The following VWA5A variants were observed in gnomAD, a reference collection of about 807,000 sequenced individuals.
The protein encoded by VWA5A is von Willebrand factor A domain containing 5A.
Under a neutral mutation model 84.6 loss-of-function variants are expected in VWA5A, and 77 were observed. The ratio of observed to expected loss-of-function variants is 0.91; its 90% CI spans 0.76 to 1.10. VWA5A has a LOEUF of 1.10. Among genes scored for constraint, VWA5A ranks in the 50% least tolerant of loss-of-function variants. The pLI, the probability that VWA5A is intolerant of heterozygous loss-of-function variation, is 0.00. For synonymous variants in VWA5A, 334 were observed against 350.1 expected (o/e 0.95, Z 0.51); for missense variants, 973 against 963.0 (o/e 1.01, Z -0.14).
chr11:124,118,327 T>G lies in VWA5A; in HGVS notation c.385T>G (p.Tyr129Asp), dbSNP rs1241139419. Residue 129 changes from tyrosine to aspartate, a missense_variant, in exon 5 of 19, where the codon TAT becomes GAT. Physicochemically the swap from Tyr to Asp is radical, Grantham distance 160. Transcript: ENST00000456829. ...GTCGAAGGCGGCAGTCACCCTGAAG[T>G]ATGTGCAGGAGCTGCCTCTGGAAGC... ...PGSKAAVTLKYVQELPLEADG... is the reference protein window; with the variant it reads ...PGSKAAVTLKDVQELPLEADG... 1.2e-6 allele frequency: 2 copies of G among 1,614,088 alleles called. No individual in the cohort carries two copies. The highest frequency in any genetic ancestry group is 1.7e-6 in the Non-Finnish European group (2 of 1,180,032).
At chr11:124,138,994 TGTATCCA>T (rs1168918221) in intron 15 of VWA5A, among the ~76,000 whole-genome samples, 2 of 152,240 alleles carry the variant, frequency 1.3e-5, no homozygotes, top group Non-Finnish European at 2.9e-5. Flanking sequence ...TTCATATGTG[TGTATCCA>T]GTTTTCCCAA....
chr11:124,127,712 C>A (rs1325542407), intron 11 of VWA5A, among the ~76,000 whole-genome samples: 1 of 152,184 alleles, frequency 6.6e-6, no homozygotes, highest in East Asian at 1.9e-4. Flanking sequence ...ACCATTTTAA[C>A]TGGCGTGAGA....
intron 11 of VWA5A, among the ~76,000 whole-genome samples, chr11:124,131,070 A>C (rs1175858063): frequency 1.3e-5 from 2 of 152,000 alleles, no homozygotes; most frequent in South Asian, 2.1e-4. Context: ...TCTACCTATA[A>C]GTAGTCCACC....
intron 17 of VWA5A, among the ~76,000 whole-genome samples, chr11:124,143,944 C>T (rs899273134): frequency 2.0e-5 from 3 of 151,446 alleles, no homozygotes; most frequent in African/African-American, 7.3e-5. Flanking sequence ...GAACATGGAC[C>T]AAGTACAAAT....
Position 124,136,240 on chromosome 11 carries a change from A to G in VWA5A, c.1471A>G (p.Ile491Val), listed in dbSNP as rs772813922. Residue 491 changes from isoleucine to valine, a missense_variant, in exon 13 of 19, where the codon ATC becomes GTC. Transcript: ENST00000456829. The part of the protein sequence containing the change: ...AKMLSPEQTV[I>V]FRGQRLISYA... ...AATGCTTTCCCCAGAACAGACTGTC[A>G]TCTTTAGGGGTCAGAGATTAATCAG... 3.1e-6 allele frequency: 5 copies of G among 1,614,014 alleles called. No individual in the cohort carries two copies. In the African/African-American group the frequency reaches 4.0e-5, roughly 13 times the overall value.
Position 124,146,076 on chromosome 11 carries a change from C to A in VWA5A, c.*131C>A, listed in dbSNP as rs185576860. The A allele has an allele frequency of 1.7e-4, 151 of 869,980 alleles. No individual in the cohort carries two copies. In the African/African-American group the frequency reaches 2.5e-3, roughly 14 times the overall value. 53.9% of individuals were successfully genotyped at this position (869,980 alleles called of 1,614,324 possible). On this transcript the variant is annotated 3_prime_UTR_variant, in exon 19 of 19. Transcript: ENST00000456829. ...TTGCCATAAAAGTAAAGGATGCTTA[C>A]TCCACTTCGCTTCTCTGCTCCAGGT...
Position 124,145,938 on chromosome 11 carries a change from C to T in VWA5A, c.2354C>T (p.Ala785Val). Residue 785 changes from alanine to valine, a missense_variant, in exon 19 of 19, where the codon GCC (alanine) becomes GTC (valine). Ala to Val is a moderately conservative substitution (Grantham distance 64). Transcript: ENST00000456829. ...TCATCTGTGGATCCTGCTATCTTTG[C>T]CTTTTGAAGATACCATCCAGAAAAA... ...LKSSVDPAIF[A>V]F 1 of 1,584,728 alleles carries T rather than the reference C, an allele frequency of 6.3e-7. No individual in the cohort carries two copies. The highest frequency in any genetic ancestry group is 2.3e-5 in the East Asian group (1 of 44,186).
Position 124,118,567 on chromosome 11 carries a change from T to C in VWA5A, c.504T>C (p.Thr168=). 1 of 1,614,152 alleles carries C rather than the reference T, an allele frequency of 6.2e-7. No individual in the cohort carries two copies. The highest frequency in any genetic ancestry group is 8.5e-7 in the Non-Finnish European group (1 of 1,180,020). ...AGGACAGTTGCCTTAATGTGAAGAC[T>C]CCTATAGTCCCTGTGGAGGACCTGC... ...SSKDSCLNVK[T]PIVPVEDLPY... is the part of the protein sequence containing the mutation. The change falls in exon 6 of 19, where the codon ACT becomes ACC. Residue 168 remains threonine, a synonymous_variant. Coordinates refer to ENST00000456829, the MANE Select transcript of VWA5A (RefSeq NM_001130142.2).
chr11:124,144,218 G>A (rs920788673), intron 17 of VWA5A, among the ~76,000 whole-genome samples: 2 of 151,958 alleles, frequency 1.3e-5, no homozygotes, highest in African/African-American at 4.8e-5. Context: ...AGGAATAAAA[G>A]CTAAGTACTG....
chr11:124,132,618 GT>G (rs920046371), intron 11 of VWA5A, among the ~76,000 whole-genome samples: 1 of 151,846 alleles, frequency 6.6e-6, no homozygotes, highest in African/African-American at 2.4e-5. Context: ...CCTAATGTTG[GT>G]TATTTGTGCC....
chr11:124,136,653 T>C lies in VWA5A; in HGVS notation c.1604T>C (p.Leu535Pro). Residue 535 changes from leucine to proline, a missense_variant, in exon 14 of 19, where the codon CTA becomes CCA. Coordinates refer to ENST00000456829, the MANE Select transcript of VWA5A (RefSeq NM_001130142.2). ...TTTGAGGATAAGGTGACATTTCCTC[T>C]ACAACCCAAGCCTGATGTCAAGTGA... ...KTFEDKVTFP[L>P]QPKPDVNLTI... 1 of 1,613,956 alleles carries C rather than the reference T, an allele frequency of 6.2e-7. No individual in the cohort carries two copies. The highest frequency in any genetic ancestry group is 2.2e-5 in the East Asian group (1 of 44,842).
chr11:124,123,592 A>G, intron 9 of VWA5A, 68 bp from the exon 10 acceptor site: 2 of 1,613,418 alleles, frequency 1.2e-6, no homozygotes, highest in Non-Finnish European at 1.7e-6. Flanking sequence ...GGGTTTCTCA[A>G]TTCAGGGACT....
Position 124,118,274 on chromosome 11 carries a change from C to T in VWA5A, c.332C>T (p.Ser111Phe), listed in dbSNP as rs1229245095. ...GACAGCAGCTCCAGGGATGTCTTCT[C>T]TTGCAATGTGGGTAACCTCCAACCT... is the stretch of plus-strand genomic sequence containing the variant. ...EGDSSSRDVF[S>F]CNVGNLQPGS... Residue 111 changes from serine (S) to phenylalanine (F), a missense_variant, in exon 5 of 19, where the codon TCT becomes TTT. Transcript: ENST00000456829. 2.5e-6 allele frequency: 4 copies of T among 1,614,194 alleles called. No homozygotes were observed. Among genetic ancestry groups the T allele is most frequent in the South Asian group, 1.1e-5 (1 of 91,078 alleles).
intron 17 of VWA5A, among the ~76,000 whole-genome samples, chr11:124,144,021 C>T (rs554770094): frequency 6.6e-6 from 1 of 152,016 alleles, no homozygotes; most frequent in Non-Finnish European, 1.5e-5. Flanking sequence ...TTAGACCCAC[C>T]AGGCTCTGAA....
At chr11:124,145,819 T>C in intron 18 of VWA5A, 47 bp from the exon 19 acceptor site, 1 of 1,544,324 alleles carries the variant, frequency 6.5e-7, no homozygotes, top group Non-Finnish European at 8.8e-7. Flanking sequence ...TGGAGGAGCC[T>C]CTAATTGCAA....
chr11:124,130,449 A>G (rs1453641827), intron 11 of VWA5A, among the ~76,000 whole-genome samples: 5 of 152,286 alleles, frequency 3.3e-5, no homozygotes, highest in Non-Finnish European at 7.4e-5. Flanking sequence ...AAGAATGTAT[A>G]TTCTGTTGAT....
chr11:124,126,359 T>C (rs1393168321), intron 11 of VWA5A, among the ~76,000 whole-genome samples: 1 of 152,234 alleles, frequency 6.6e-6, no homozygotes, highest in African/African-American at 2.4e-5. Context: ...TTCCAGTCTA[T>C]TTACATAGTA....
At chr11:124,116,794 G>A (rs1864837979) in intron 2 of VWA5A, 114 bp downstream of exon 2, 1 of 152,184 alleles carries the variant, frequency 6.6e-6, no homozygotes, top group Non-Finnish European at 1.5e-5. Context: ...TGTAGGCTAT[G>A]TGCCTATATA....
chr11:124,117,406 ATTC>A lies in VWA5A; in HGVS notation c.-15-88_-15-86del. On this transcript the variant is annotated intron_variant, in intron 2 of 18. Coordinates refer to ENST00000456829, the MANE Select transcript of VWA5A (RefSeq NM_001130142.2). ...ACTCCAACATTAACCCTTTGAATGT[ATTC>A]TTATGCCAGAGAAAGGCACATAAAG... 4.1e-6 allele frequency: 5 copies of A among 1,230,430 alleles called. No individual in the cohort carries two copies. The South Asian group carries it at 4.8e-5, about 12-fold the overall frequency. The allele number at this position is 1,230,430 out of a possible 1,614,324, so 76.2% of individuals were successfully genotyped here. A position where few individuals can be genotyped will look rare whatever the true frequency, so the allele number is the denominator to read the frequency against.
Sources: allele counts gnomAD v4.1 joint callset (sites outside exome capture counted in the v4.1 genomes callset), GRCh38; gene constraint gnomAD v4.1.1; transcripts MANE v1.5; gene names NCBI Gene and HGNC (gene_info 2026-07-23, HGNC 2026-07-21).